Variants in LTN1 observed in about 807,000 individuals in gnomAD.
The protein encoded by LTN1 is E3 ubiquitin-protein ligase listerin.
LTN1 carries 88 observed loss-of-function variants against 201.2 expected under a neutral mutation model. The observed-to-expected ratio is 0.44, with a 90% CI of 0.37 to 0.52. The LOEUF is 0.52. LTN1 is among the 20% of genes least tolerant of loss of function. The probability of loss-of-function intolerance (pLI) is 0.00; values close to 1 mark genes in which losing one functional copy is unlikely to be tolerated. For synonymous variants in LTN1, 645 were observed against 713.5 expected (o/e 0.90, Z 1.53); for missense variants, 1,752 against 2,038.7 (o/e 0.86, Z 2.71).
At chr21:28,964,489 T>C in intron 11 of LTN1, 1 of 1,205,084 alleles carries the variant, frequency 8.3e-7, no homozygotes, top group Non-Finnish European at 1.1e-6. Flanking sequence ...CTTAATAGAC[T>C]GTAGTGTACA....
chr21:28,991,961 T>C (rs557415787), intron 1 of LTN1, among the ~76,000 whole-genome samples: 9 of 152,352 alleles, frequency 5.9e-5, no homozygotes, highest in African/African-American at 9.6e-5. Flanking sequence ...AGCAAGTACT[T>C]AGTGAGCGTC....
intron 18 of LTN1, among the ~76,000 whole-genome samples, chr21:28,948,079 C>G (rs2084353647): frequency 6.9e-6 from 1 of 144,488 alleles, no homozygotes; most frequent in Non-Finnish European, 1.5e-5. Context: ...GTAATCCCAG[C>G]TACTCAGGAG....
intron 26 of LTN1, among the ~76,000 whole-genome samples, 171 bp from the exon 27 acceptor site, chr21:28,935,500 C>T (rs971371973): frequency 2.0e-5 from 3 of 152,122 alleles, no homozygotes; most frequent in Non-Finnish European, 4.4e-5. Context: ...AGCATCTTTC[C>T]ACACATTCAA....
In LTN1 at chr21:28,966,996, C is replaced by T; in HGVS notation, c.1495G>A (p.Val499Ile). The T allele has an allele frequency of 6.2e-7, 1 of 1,614,106 alleles. No individual in the cohort carries two copies. The highest frequency in any genetic ancestry group is 1.6e-4 in the Middle Eastern group (1 of 6,062). ...HFWERLSEIC[V>I]AKISEPEADV... ...GCTTCTGGCTCACTGATTTTCGCAA[C>T]ACAGATCTCTGACAGTCTTTCCCAG... is the stretch of plus-strand genomic sequence containing the variant. The change falls in exon 10 of 30, where the codon GTT becomes ATT. Residue 499 changes from valine to isoleucine, a missense_variant. By Grantham distance (29) the Val-to-Ile change is conservative. Around this residue, in one of 3 missense-constraint regions of LTN1, gnomAD observed 1,211 missense variants for 1,312.8 expected, o/e 0.92. Coordinates refer to ENST00000361371, the MANE Select transcript of LTN1 (RefSeq NM_015565.3).
chr21:28,936,607 T>A lies in LTN1; in HGVS notation c.4573A>T (p.Thr1525Ser). 6.2e-7 allele frequency: 1 copy of A among 1,614,018 alleles called. No individual in the cohort carries two copies. The highest frequency in any genetic ancestry group is 8.5e-7 in the Non-Finnish European group (1 of 1,179,904). ...ACCTCAACTGCTGTCTCTGCATAGGTTGGATTTTCTGGCATAAGCCTGAAC... is the reference window on the plus strand; with the variant it reads ...ACCTCAACTGCTGTCTCTGCATAGGATGGATTTTCTGGCATAAGCCTGAAC... ...HLFRLMPENP[T>S]YAETAVEVPN... is the part of the protein sequence containing the mutation. Residue 1525 changes from threonine (T) to serine (S), a missense_variant, in exon 26 of 30, where the codon ACC becomes TCC. Physicochemically the swap from Thr to Ser is moderately conservative, Grantham distance 58. This residue lies in a region of LTN1 where 261 missense variants were observed against 350.1 expected (regional missense o/e 0.75). Transcript: ENST00000361371.
intron 9 of LTN1, among the ~76,000 whole-genome samples, chr21:28,968,904 G>T (rs2084548326): frequency 6.8e-6 from 1 of 147,334 alleles, no homozygotes; most frequent in South Asian, 2.4e-4. Flanking sequence ...ACGACGCCCA[G>T]CCTGCACTAC....
At chr21:28,944,283 T>C in intron 22 of LTN1, 100 bp downstream of exon 22, 1 of 839,632 alleles carries the variant, frequency 1.2e-6, no homozygotes, top group Non-Finnish European at 1.9e-6. Context: ...CTTTTACTAT[T>C]TAGTATTATT....
At position 28,929,334 on chromosome 21, in the gene LTN1, A is replaced by C. The variant is rs1192075951; in HGVS notation, c.*1114T>G. The C allele has an allele frequency of 1.3e-5, 2 of 152,604 alleles. No individual in the cohort carries two copies. Among genetic ancestry groups the C allele is most frequent in the Non-Finnish European group, 2.9e-5 (2 of 68,002 alleles). The allele number at this position is 152,604 out of a possible 1,614,324, so 9.5% of individuals were successfully genotyped here. ...GGAAGACTGCAATAAAATTATTCCA[A>C]GTTCTAAAGTTCCACACTTTTATAT... On this transcript the variant is annotated 3_prime_UTR_variant, in exon 30 of 30. Transcript: ENST00000361371.
chr21:28,935,148 A>G lies in LTN1; in HGVS notation c.4836T>C (p.Ser1612=). ...VSSVLSFQEI[S]SVQTSTQLFN... ...ATAGTTGTGTACTTGTTTGTACAGA[A>G]GATATTTCTTGAAAAGAAAGAACAC... Residue 1612 remains serine, a synonymous_variant, in exon 27 of 30, where the codon TCT becomes TCC. Transcript: ENST00000361371. 1.9e-6 allele frequency: 3 copies of G among 1,612,934 alleles called. No individual in the cohort carries two copies. Among genetic ancestry groups the G allele is most frequent in the Non-Finnish European group, 2.5e-6 (3 of 1,178,950 alleles).
At chr21:28,931,695 T>A (rs1393487925) in intron 28 of LTN1, among the ~76,000 whole-genome samples, 1 of 152,216 alleles carries the variant, frequency 6.6e-6, no homozygotes, top group African/African-American at 2.4e-5. Flanking sequence ...TTGGTGAGCA[T>A]ATTTGTTTTA....
At position 28,992,802 on chromosome 21, in the gene LTN1, C is replaced by T. The variant is rs1239091896; in HGVS notation, c.4G>A (p.Gly2Ser). 8.7e-6 allele frequency: 14 copies of T among 1,614,126 alleles called. No individual in the cohort carries two copies. Among genetic ancestry groups the T allele is most frequent in the Non-Finnish European group, 1.2e-5 (14 of 1,180,054 alleles). Residue 2 changes from glycine to serine, a missense_variant, in exon 1 of 30, where the codon GGC becomes AGC. Around this residue, in one of 3 missense-constraint regions of LTN1, gnomAD observed 280 missense variants for 375.7 expected, o/e 0.75. Transcript: ENST00000361371. ...TTAGTTCGCTGCTTGTTCTTCCCGC[C>T]CATGGTCGCGGTTGCAGCTGTACTC... Reference protein sequence around the residue: MGGKNKQRTKGN... With the variant: MSGKNKQRTKGN...
rs546608638 is a variant in LTN1 at position 28,983,266 on chromosome 21, G to A, written c.577-898C>T. Among the ~76,000 whole-genome samples, 3 of 152,280 alleles carry A rather than the reference G, an allele frequency of 2.0e-5. No homozygotes were observed. In the South Asian group the frequency reaches 6.2e-4, roughly 32 times the overall value. On this transcript the variant is annotated intron_variant, in intron 4 of 29. Coordinates refer to ENST00000361371, the MANE Select transcript of LTN1 (RefSeq NM_015565.3). ...GTTCAATGATTAGTTATCCATCCATGACAAAGCCAAGAACAAATTTATTTT... is the reference window on the plus strand; with the variant it reads ...GTTCAATGATTAGTTATCCATCCATAACAAAGCCAAGAACAAATTTATTTT...
chr21:28,991,830 G>GA (rs796492942), intron 1 of LTN1, among the ~76,000 whole-genome samples: 13 of 151,688 alleles, frequency 8.6e-5, no homozygotes, highest in African/African-American at 2.2e-4. Flanking sequence ...TCAGAAACAG[G>GA]AAAAAAAAGC....
At chr21:28,971,123 TAA>T (rs1279392061) in intron 7 of LTN1, 146 bp downstream of exon 7, 1 of 602,912 alleles carries the variant, frequency 1.7e-6, no homozygotes, top group Non-Finnish European at 2.6e-6. Flanking sequence ...CAAAATAAAA[TAA>T]AAACTCTATG....
At chr21:28,973,854 A>G (rs942509263) in intron 6 of LTN1, among the ~76,000 whole-genome samples, 4 of 152,234 alleles carry the variant, frequency 2.6e-5, no homozygotes, top group Non-Finnish European at 5.9e-5. Flanking sequence ...TGGACAGAAC[A>G]GAGTCTAAAA....
At chr21:28,942,580 T>G (rs148484807) in intron 24 of LTN1, among the ~76,000 whole-genome samples, 57 of 152,268 alleles carry the variant, frequency 3.7e-4, no homozygotes, top group African/African-American at 1.3e-3. Flanking sequence ...AAACTATACA[T>G]TAAGTGGTAA....
At chr21:28,952,485 A>C (rs1351637993) in intron 17 of LTN1, among the ~76,000 whole-genome samples, 3 of 152,338 alleles carry the variant, frequency 2.0e-5, no homozygotes, top group African/African-American at 7.2e-5. Flanking sequence ...GAGCTCTCTC[A>C]TCCCTAGGCA....
intron 1 of LTN1, among the ~76,000 whole-genome samples, chr21:28,992,399 A>AGG: frequency 1.3e-5 from 2 of 152,140 alleles, no homozygotes; most frequent in Non-Finnish European, 1.5e-5. Context: ...TCCACAGTGG[A>AGG]TTCACTTTAA....
chr21:28,983,416 T>G (rs1289128559), intron 4 of LTN1, among the ~76,000 whole-genome samples: 1 of 152,204 alleles, frequency 6.6e-6, no homozygotes, highest in East Asian at 1.9e-4. Flanking sequence ...AACCAATGAT[T>G]CTTATGCTAC....
Sources: allele counts gnomAD v4.1 joint callset (sites outside exome capture counted in the v4.1 genomes callset), GRCh38; gene constraint gnomAD v4.1.1; regional missense constraint gnomAD v4.1.1; transcripts MANE v1.5; gene names NCBI Gene and HGNC (gene_info 2026-07-23, HGNC 2026-07-21).